The following ARHGAP15 variants were observed in gnomAD, a reference collection of about 807,000 sequenced individuals.
ARHGAP15 encodes the protein Rho GTPase activating protein 15.
In ARHGAP15, 51 loss-of-function variants were observed where a neutral mutation model predicts 63.7. That is an observed-to-expected ratio of 0.80 (90% CI 0.64 to 1.01). The LOEUF is 1.01. Ranked by LOEUF, ARHGAP15 falls within the 50% of genes least tolerant of loss-of-function variation. The pLI, the probability that ARHGAP15 is intolerant of heterozygous loss-of-function variation, is 0.00. For missense variants in ARHGAP15, 560 were observed against 564.6 expected (o/e 0.99, Z 0.08); for synonymous variants, 191 against 193.8 (o/e 0.99, Z 0.12).
At chr2:143,238,085 A>G (rs1339798709) in intron 5 of ARHGAP15, 1 of 152,198 alleles carries the variant, frequency 6.6e-6, no homozygotes, top group African/African-American at 2.4e-5. Context: ...AATAAACTAT[A>G]AAAACTCTAG....
chr2:143,180,118 T>C (rs1396976581), intron 2 of ARHGAP15, among the ~76,000 whole-genome samples: 2 of 152,218 alleles, frequency 1.3e-5, no homozygotes, highest in Non-Finnish European at 2.9e-5. Context: ...GCCTCTTTCT[T>C]TTGTGAAAGA....
At chr2:143,326,218 A>T (rs976536273) in intron 6 of ARHGAP15, among the ~76,000 whole-genome samples, 26 of 152,292 alleles carry the variant, frequency 1.7e-4, no homozygotes, top group African/African-American at 6.0e-4. Context: ...TTATTTTCAA[A>T]GCCCTTTTCT....
intron 13 of ARHGAP15, among the ~76,000 whole-genome samples, chr2:143,728,792 T>G (rs1685402095): frequency 6.6e-6 from 1 of 152,292 alleles, no homozygotes; most frequent in South Asian, 2.1e-4. Context: ...TCTCCATTAC[T>G]GCCGCCCTCC....
At chr2:143,398,862 C>T (rs1687881136) in intron 6 of ARHGAP15, among the ~76,000 whole-genome samples, 1 of 151,440 alleles carries the variant, frequency 6.6e-6, no homozygotes, top group African/African-American at 2.4e-5. Flanking sequence ...AGCTTCAATA[C>T]TAAACAAGCC....
At chr2:143,379,897 G>C (rs764212272) in intron 6 of ARHGAP15, among the ~76,000 whole-genome samples, 33 of 151,850 alleles carry the variant, frequency 2.2e-4, no homozygotes, top group Non-Finnish European at 3.8e-4. Flanking sequence ...TATTGTGCCA[G>C]GAACTAGATT....
chr2:143,493,779 A>G (rs1471488274), intron 9 of ARHGAP15, among the ~76,000 whole-genome samples: 2 of 152,242 alleles, frequency 1.3e-5, no homozygotes, highest in Non-Finnish European at 2.9e-5. Context: ...TCGGCATCCC[A>G]TGCCTTCCCT....
chr2:143,552,057 G>A (rs771344646), intron 10 of ARHGAP15, among the ~76,000 whole-genome samples: 6 of 152,158 alleles, frequency 3.9e-5, no homozygotes, highest in South Asian at 2.1e-4. Context: ...GATTTTCGCC[G>A]GAGGGAGAAG....
chr2:143,383,770 G>A (rs1226712651), intron 6 of ARHGAP15, among the ~76,000 whole-genome samples: 3 of 152,084 alleles, frequency 2.0e-5, no homozygotes, highest in Non-Finnish European at 4.4e-5. Flanking sequence ...ACATCACATA[G>A]ACCTAGTCTT....
At chr2:143,325,811 TC>T (rs2105238378) in intron 6 of ARHGAP15, among the ~76,000 whole-genome samples, 1 of 152,302 alleles carries the variant, frequency 6.6e-6, no homozygotes, top group African/African-American at 2.4e-5. Flanking sequence ...ATACTTGATT[TC>T]CATCTATAAT....
chr2:143,572,193 T>G (rs995606250), intron 11 of ARHGAP15: 1 of 152,254 alleles, frequency 6.6e-6, no homozygotes, highest in Non-Finnish European at 1.5e-5. Flanking sequence ...AAGCTGTGCC[T>G]GCCAGATCCT....
intron 8 of ARHGAP15, among the ~76,000 whole-genome samples, chr2:143,446,102 TTTC>T (rs200139452): frequency 0.016 from 2,449 of 150,336 alleles, 47 homozygotes; most frequent in Non-Finnish European, 0.024. Context: ...CTTTGACAAG[TTTC>T]TTAAGTTTCT....
chr2:143,154,628 T>C (rs2105008298), intron 1 of ARHGAP15, among the ~76,000 whole-genome samples: 1 of 151,996 alleles, frequency 6.6e-6, no homozygotes, highest in Non-Finnish European at 1.5e-5. Context: ...CTGTTTGTAA[T>C]GAGGTGCTGT....
intron 11 of ARHGAP15, among the ~76,000 whole-genome samples, chr2:143,601,771 C>T (rs1450757592): frequency 1.3e-5 from 2 of 152,038 alleles, no homozygotes; most frequent in African/African-American, 4.8e-5. Context: ...CATCTATTTC[C>T]TTTTTATTAT....
At chr2:143,472,231 G>C (rs1310416718) in intron 8 of ARHGAP15, among the ~76,000 whole-genome samples, 1 of 151,866 alleles carries the variant, frequency 6.6e-6, no homozygotes, top group South Asian at 2.1e-4. Context: ...GGTAGACACG[G>C]CATAAATTTT....
intron 13 of ARHGAP15, among the ~76,000 whole-genome samples, chr2:143,730,292 G>A (rs1685468900): frequency 6.6e-6 from 1 of 152,168 alleles, no homozygotes. Flanking sequence ...CCCTAGAGCT[G>A]GAGGCTTAGA....
intron 11 of ARHGAP15, among the ~76,000 whole-genome samples, chr2:143,610,921 G>T (rs972529460): frequency 6.6e-6 from 1 of 152,050 alleles, no homozygotes; most frequent in South Asian, 2.1e-4. Flanking sequence ...TAGAGACGGG[G>T]TTTTGCCATG....
At chr2:143,198,754 C>G (rs1691988923) in intron 2 of ARHGAP15, among the ~76,000 whole-genome samples, 1 of 152,046 alleles carries the variant, frequency 6.6e-6, no homozygotes, top group Non-Finnish European at 1.5e-5. Context: ...ATGGAGCTAG[C>G]CATAGAAGAA....
chr2:143,254,859 A>G (rs1419461562), intron 6 of ARHGAP15, among the ~76,000 whole-genome samples: 1 of 113,670 alleles, frequency 8.8e-6, no homozygotes, highest in Admixed American at 8.4e-5. Context: ...AAACAAATTC[A>G]CTCCTATTAA....
intron 12 of ARHGAP15, among the ~76,000 whole-genome samples, chr2:143,670,529 G>A (rs774702670): frequency 5.3e-5 from 8 of 152,072 alleles, no homozygotes; most frequent in African/African-American, 1.7e-4. Context: ...CAGAGTGTTC[G>A]CAGCCTGACA....
Sources: allele counts gnomAD v4.1 joint callset (sites outside exome capture counted in the v4.1 genomes callset), GRCh38; gene constraint gnomAD v4.1.1; transcripts MANE v1.5; gene names NCBI Gene and HGNC (gene_info 2026-07-23, HGNC 2026-07-21).